The following SPAG16 variants were observed in gnomAD, a reference collection of about 807,000 sequenced individuals.
SPAG16 encodes the protein sperm-associated antigen 16 protein.
SPAG16 carries 86 observed loss-of-function variants against 80.4 expected under a neutral mutation model. That is an observed-to-expected ratio of 1.07 (90% confidence interval 0.90 to 1.28). The LOEUF (loss-of-function observed/expected upper bound fraction) is 1.28. Ranked by LOEUF, SPAG16 falls within the 50% of genes most tolerant of loss-of-function variation. The probability of loss-of-function intolerance (pLI) is 0.00; values close to 1 mark genes in which losing one functional copy is unlikely to be tolerated. For missense variants in SPAG16, 870 were observed against 765.3 expected, an observed-to-expected ratio of 1.14 and a Z score of -1.61; for synonymous variants, 294 against 265.9, an observed-to-expected ratio of 1.11 and a Z score of -1.03.
intron 12 of SPAG16, among the ~76,000 whole-genome samples, chr2:213,997,652 G>A (rs1256562897): frequency 1.3e-5 from 2 of 152,162 alleles, no homozygotes; most frequent in African/African-American, 4.8e-5. Flanking sequence ...AAGAAGAGGT[G>A]TCCAATCTTT....
intron 13 of SPAG16, among the ~76,000 whole-genome samples, chr2:214,101,375 A>G (rs943988977): frequency 2.0e-5 from 3 of 152,056 alleles, no homozygotes; most frequent in Non-Finnish European, 4.4e-5. Context: ...TGGTCTTCCC[A>G]GGGATCCAGG....
intron 10 of SPAG16, among the ~76,000 whole-genome samples, chr2:213,853,053 G>C (rs1363082273): frequency 6.6e-6 from 1 of 152,140 alleles, no homozygotes; most frequent in Non-Finnish European, 1.5e-5. Flanking sequence ...TAGGTAAGTG[G>C]TCATCTAATG....
intron 10 of SPAG16, among the ~76,000 whole-genome samples, chr2:213,706,122 G>T (rs1345936203): frequency 6.6e-6 from 1 of 152,178 alleles, no homozygotes; most frequent in Non-Finnish European, 1.5e-5. Flanking sequence ...TGTGGTTATT[G>T]TGCACAACCA....
intron 10 of SPAG16, among the ~76,000 whole-genome samples, chr2:213,608,805 CCTCCCGAGTAGCTGGGGACTACAGG>C (rs2061351016): frequency 6.6e-6 from 1 of 152,252 alleles, no homozygotes; most frequent in Admixed American, 6.5e-5. Context: ...CCTGCCTCAG[CCTCCCGAGTAGCTGGGGACTACAGG>C]CTCCCACCAC....
At chr2:213,759,077 C>A (rs1213570006) in intron 10 of SPAG16, among the ~76,000 whole-genome samples, 1 of 152,132 alleles carries the variant, frequency 6.6e-6, no homozygotes, top group Non-Finnish European at 1.5e-5. Flanking sequence ...TCCAGCCAAA[C>A]TGTCCTTAAA....
chr2:213,456,731 T>C lies in SPAG16; in HGVS notation c.943-33232T>C, dbSNP rs190086777. Among the ~76,000 whole-genome samples, 7 of 152,286 alleles carry C rather than the reference T, an allele frequency of 4.6e-5. No individual in the cohort carries two copies. The East Asian group carries it at 1.3e-3, about 29-fold the overall frequency. On this transcript the variant is annotated intron_variant, in intron 9 of 15. Transcript: ENST00000331683. ...CTCCAAATTCTTCTTTGAGTGTATG[T>C]AACTCAGTTTTGAATTGTGACTTAC...
intron 10 of SPAG16, among the ~76,000 whole-genome samples, chr2:213,795,256 A>C (rs1472137573): frequency 1.3e-5 from 2 of 152,164 alleles, no homozygotes; most frequent in Non-Finnish European, 2.9e-5. Flanking sequence ...TCTGGAAAAG[A>C]AATTATTTTC....
At chr2:214,274,449 A>G (rs139617876) in intron 15 of SPAG16, among the ~76,000 whole-genome samples, 2,809 of 152,208 alleles carry the variant, frequency 0.018, 60 homozygotes, top group East Asian at 0.071. Context: ...AATAGCTCTT[A>G]CTATTTTGAG....
chr2:213,580,618 GC>G (rs1295679887), intron 10 of SPAG16, among the ~76,000 whole-genome samples: 1 of 151,994 alleles, frequency 6.6e-6, no homozygotes, highest in Non-Finnish European at 1.5e-5. Context: ...TTTAATCCTT[GC>G]CTGAGTGCAT....
rs182171788 is a variant in SPAG16 at position 213,317,080 on chromosome 2, G to A, written c.399-139G>A. 688 of 504,132 alleles carry A rather than the reference G, an allele frequency of 1.4e-3. 4 individuals are homozygous for A. Among genetic ancestry groups the A allele is most frequent in the Middle Eastern group, 2.6e-3 (5 of 1,944 alleles). The allele number at this position is 504,132 out of a possible 1,614,324, so 31.2% of individuals were successfully genotyped here. A position where few individuals can be genotyped will look rare whatever the true frequency, so the allele number is the denominator to read the frequency against. ...TATTCTAAAATATATTATGACTGTT[G>A]GACATTTTAACTTATAAATGTAATA... On this transcript the variant is annotated intron_variant, in intron 4 of 15. Coordinates refer to ENST00000331683, the MANE Select transcript of SPAG16 (RefSeq NM_024532.5).
Position 214,140,952 on chromosome 2 carries a change from GGT to G in SPAG16, c.1594-8186_1594-8185del, listed in dbSNP as rs777420053. Among the ~76,000 whole-genome samples the G allele has an allele frequency of 7.7e-3, 677 of 88,132 alleles. 3 individuals are homozygous for G. The highest frequency in any genetic ancestry group is 0.01 in the Non-Finnish European group (438 of 43,260). 57.8% of individuals were successfully genotyped at this position (88,132 alleles called of 152,430 possible). A position where few individuals can be genotyped will look rare whatever the true frequency, so the allele number is the denominator to read the frequency against. ...CATTGGTGGGGGGGGGGGGGTGGGG[GGT>G]GGGGGGATGTGACAGAGAGAGAGAT... On this transcript the variant is annotated intron_variant, in intron 14 of 15. Transcript: ENST00000331683.
At chr2:213,396,675 C>T (rs1242493113) in intron 9 of SPAG16, 1 of 456,292 alleles carries the variant, frequency 2.2e-6, no homozygotes, top group Admixed American at 2.4e-5. Context: ...CAACAGTGCA[C>T]ACCAGCACAT....
At chr2:214,097,921 T>G (rs1279636709) in intron 13 of SPAG16, among the ~76,000 whole-genome samples, 2 of 152,038 alleles carry the variant, frequency 1.3e-5, no homozygotes, top group Non-Finnish European at 2.9e-5. Flanking sequence ...GGCACTATCA[T>G]GTAGATACTA....
At chr2:214,408,896 C>T (rs1446543385) in intron 15 of SPAG16, among the ~76,000 whole-genome samples, 1 of 151,894 alleles carries the variant, frequency 6.6e-6, no homozygotes, top group Non-Finnish European at 1.5e-5. Context: ...ATAGAGGAGG[C>T]ATTTTTTACA....
At chr2:213,882,079 T>C (rs1055555235) in intron 11 of SPAG16, among the ~76,000 whole-genome samples, 1 of 152,204 alleles carries the variant, frequency 6.6e-6, no homozygotes. Flanking sequence ...TATGAATCCA[T>C]TGAGGTGATT....
At chr2:213,889,529 A>G (rs1239878968) in intron 11 of SPAG16, among the ~76,000 whole-genome samples, 1 of 151,380 alleles carries the variant, frequency 6.6e-6, no homozygotes, top group Non-Finnish European at 1.5e-5. Context: ...CTTCTTTGTT[A>G]ATATTTACAG....
chr2:214,056,318 TAG>T (rs1332334966), intron 13 of SPAG16, among the ~76,000 whole-genome samples: 67 of 136,298 alleles, frequency 4.9e-4, no homozygotes, highest in Non-Finnish European at 5.5e-4. Flanking sequence ...CACACACGCA[TAG>T]AGAGAGAGAG....
intron 11 of SPAG16, among the ~76,000 whole-genome samples, chr2:213,913,917 A>G (rs2077824849): frequency 6.6e-6 from 1 of 152,066 alleles, no homozygotes; most frequent in Admixed American, 6.6e-5. Flanking sequence ...TTTCCCTTTT[A>G]AGGCCTTCAA....
chr2:214,223,314 A>G (rs1209065500), intron 15 of SPAG16, among the ~76,000 whole-genome samples: 1 of 152,144 alleles, frequency 6.6e-6, no homozygotes, highest in East Asian at 1.9e-4. Context: ...CTAAATTACT[A>G]TAAGATTTAT....
Sources: allele counts gnomAD v4.1 joint callset (sites outside exome capture counted in the v4.1 genomes callset), GRCh38; gene constraint gnomAD v4.1.1; transcripts MANE v1.5; gene names NCBI Gene and HGNC (gene_info 2026-07-23, HGNC 2026-07-21).